The following LPP variants were observed in gnomAD, a reference collection of about 807,000 sequenced individuals.
LPP encodes the protein LIM domain containing preferred translocation partner in lipoma.
LPP carries 38 observed loss-of-function variants against 60.4 expected under a neutral mutation model. The observed-to-expected ratio is 0.63, with a 90% CI of 0.49 to 0.83. The LOEUF is 0.83. Ranked by LOEUF, LPP falls within the 40% of genes least tolerant of loss-of-function variation. The pLI, the probability that LPP is intolerant of heterozygous loss-of-function variation, is 0.00. For missense variants in LPP, 902 were observed against 783.6 expected (o/e 1.15, Z -1.80); for synonymous variants, 328 against 290.8 (o/e 1.13, Z -1.30).
In LPP at chr3:188,818,381, G is replaced by A. The variant is rs1451715786; in HGVS notation, c.1411-47819G>A. On this transcript the variant is annotated intron_variant, in intron 9 of 11. Coordinates refer to ENST00000617246, the MANE Select transcript of LPP (RefSeq NM_001375462.1). ...TCTGAGTATTATAATACTTTCTATT[G>A]GTATTTTCTCTCTTGAGCTATTCCC... 2.0e-5 allele frequency among the ~76,000 whole-genome samples: 3 copies of A among 152,134 alleles called. No homozygotes were observed. In the East Asian group the frequency reaches 5.8e-4, roughly 29 times the overall value.
rs556540527 is a variant in LPP at position 188,247,248 on chromosome 3, G to A, written c.-67+21721G>A. 7 of 875,148 alleles carry A rather than the reference G, an allele frequency of 8.0e-6. No homozygotes were observed. The South Asian group carries it at 3.1e-4, about 39-fold the overall frequency. The allele number at this position is 875,148 out of a possible 1,614,324, so 54.2% of individuals were successfully genotyped here. On this transcript the variant is annotated intron_variant, in intron 2 of 11. Transcript: ENST00000617246. ...CTCACACCCAAAGTCTTAGTTGCAG[G>A]GCACTTTAGTGGGAAAAAAAAAAAA...
intron 7 of LPP, among the ~76,000 whole-genome samples, chr3:188,680,036 A>C (rs1859126842): frequency 6.6e-6 from 1 of 152,226 alleles, no homozygotes; most frequent in African/African-American, 2.4e-5. Context: ...AATAGGAGTC[A>C]ACAAACATTC....
At chr3:188,363,726 G>A (rs1166455985) in intron 3 of LPP, among the ~76,000 whole-genome samples, 2 of 151,924 alleles carry the variant, frequency 1.3e-5, no homozygotes, top group Admixed American at 1.3e-4. Flanking sequence ...CCAACATGGT[G>A]AAACCCCGTC....
At chr3:188,234,855 G>A (rs1201189968) in intron 2 of LPP, among the ~76,000 whole-genome samples, 2 of 152,266 alleles carry the variant, frequency 1.3e-5, no homozygotes, top group East Asian at 3.9e-4. Context: ...CAAGGTCAAG[G>A]TCAGAAAGGC....
rs537504480 is a variant in LPP, at chr3:188,260,771, G to A, written c.-67+35244G>A. Among the ~76,000 whole-genome samples, 19 of 152,248 alleles carry A rather than the reference G, an allele frequency of 1.2e-4. No individual in the cohort carries two copies. The East Asian group carries it at 3.3e-3, about 26-fold the overall frequency. ...TTCTGGGCTGGGCGCGGTGGTTCAC[G>A]CCTGTAATCCCAGCACTTTGGGAGG... On this transcript the variant is annotated intron_variant, in intron 2 of 11. Coordinates refer to ENST00000617246, the MANE Select transcript of LPP (RefSeq NM_001375462.1).
At chr3:188,754,643 G>C (rs2150379570) in intron 8 of LPP, among the ~76,000 whole-genome samples, 1 of 151,984 alleles carries the variant, frequency 6.6e-6, no homozygotes, top group South Asian at 2.1e-4. Context: ...CTTTGGAGTT[G>C]GGAACCAGGG....
chr3:188,793,745 GTGTGCCCT>G (rs1744530875), intron 9 of LPP, among the ~76,000 whole-genome samples: 1 of 152,052 alleles, frequency 6.6e-6, no homozygotes, highest in Non-Finnish European at 1.5e-5. Flanking sequence ...CTTTAAGAAG[GTGTGCCCT>G]TAGGTGCTAG....
At chr3:188,448,742 C>A (rs1795919867) in intron 4 of LPP, among the ~76,000 whole-genome samples, 2 of 152,086 alleles carry the variant, frequency 1.3e-5, no homozygotes, top group African/African-American at 4.8e-5. Context: ...AGTCCTCTCC[C>A]AAACAACATT....
intron 1 of LPP, among the ~76,000 whole-genome samples, chr3:188,158,404 G>A (rs1481545596): frequency 6.6e-6 from 1 of 152,148 alleles, no homozygotes; most frequent in Non-Finnish European, 1.5e-5. Context: ...AGGGTGGAAG[G>A]ATTTCAAGTG....
intron 8 of LPP, among the ~76,000 whole-genome samples, chr3:188,757,989 A>G (rs1016316423): frequency 6.7e-6 from 1 of 148,710 alleles, no homozygotes; most frequent in African/African-American, 2.5e-5. Context: ...ATCTCATAAT[A>G]AAAACAGGTA....
chr3:188,738,368 T>C (rs916018246), intron 8 of LPP, among the ~76,000 whole-genome samples: 1 of 152,198 alleles, frequency 6.6e-6, no homozygotes, highest in Non-Finnish European at 1.5e-5. Flanking sequence ...TAGAAACTAT[T>C]GTCCATGTAT....
Position 188,889,890 on chromosome 3 carries a change from T to G in LPP, c.*15411T>G. The G allele has an allele frequency of 4.7e-6, 1 of 212,186 alleles. No homozygotes were observed. Among genetic ancestry groups the G allele is most frequent in the Non-Finnish European group, 9.6e-6 (1 of 104,686 alleles). The allele number at this position is 212,186 out of a possible 1,614,324, so 13.1% of individuals were successfully genotyped here. A position where few individuals can be genotyped will look rare whatever the true frequency, so the allele number is the denominator to read the frequency against. On this transcript the variant is annotated 3_prime_UTR_variant, in exon 12 of 12. Transcript: ENST00000617246. ...TTACCTTGTCCAATTTCCACACTAGTCATTTTTTTTATTTTTTAGAGGATC... is the reference window on the plus strand; with the variant it reads ...TTACCTTGTCCAATTTCCACACTAGGCATTTTTTTTATTTTTTAGAGGATC...
chr3:188,228,403 A>G (rs541108137), intron 2 of LPP, among the ~76,000 whole-genome samples: 3 of 152,180 alleles, frequency 2.0e-5, no homozygotes, highest in African/African-American at 7.2e-5. Flanking sequence ...AGGGTGTTCT[A>G]TCGGGCATTG....
intron 4 of LPP, among the ~76,000 whole-genome samples, chr3:188,437,160 C>G (rs564594614): frequency 6.6e-6 from 1 of 152,296 alleles, no homozygotes; most frequent in South Asian, 2.1e-4. Flanking sequence ...ATGTGAGCAA[C>G]TTTCCTAAAT....
chr3:188,525,428 ATC>A (rs1820335011), intron 6 of LPP, among the ~76,000 whole-genome samples: 1 of 152,220 alleles, frequency 6.6e-6, no homozygotes, highest in African/African-American at 2.4e-5. Context: ...AAAAAAGTAA[ATC>A]TCTTATTCCA....
intron 4 of LPP, among the ~76,000 whole-genome samples, chr3:188,482,415 C>A (rs976187482): frequency 4.6e-5 from 7 of 152,150 alleles, no homozygotes; most frequent in African/African-American, 1.7e-4. Context: ...TACATATGAC[C>A]TTTAAAGGCA....
chr3:188,685,964 ATGTAG>A (rs1860623115), intron 7 of LPP, among the ~76,000 whole-genome samples: 1 of 152,108 alleles, frequency 6.6e-6, no homozygotes, highest in Admixed American at 6.6e-5. Context: ...TGATGTAATG[ATGTAG>A]TCAAGGCGCT....
intron 2 of LPP, among the ~76,000 whole-genome samples, chr3:188,256,740 G>A (rs1428853694): frequency 6.6e-6 from 1 of 152,144 alleles, no homozygotes; most frequent in East Asian, 1.9e-4. Flanking sequence ...ATGATAATGA[G>A]AGATTTCAGT....
chr3:188,731,516 T>TTTTGTTTTG (rs1553817764), intron 8 of LPP, among the ~76,000 whole-genome samples: 6 of 145,700 alleles, frequency 4.1e-5, no homozygotes, highest in African/African-American at 1.5e-4. Flanking sequence ...TTTTTTGTTT[T>TTTTGTTTTG]TTTTGTTTTG....
Sources: gnomAD v4.1 joint callset for allele counts (sites outside exome capture counted in the v4.1 genomes callset) on GRCh38, gnomAD v4.1.1 for gene constraint, MANE v1.5 for transcripts, NCBI Gene and HGNC (gene_info 2026-07-23, HGNC 2026-07-21) for gene names.